Variants in MTMR3 observed in about 807,000 individuals in gnomAD.
MTMR3 encodes the protein myotubularin related protein 3.
Under a neutral mutation model 132.4 loss-of-function variants are expected in MTMR3, and 32 were observed. The ratio of observed to expected loss-of-function variants is 0.24; its 90% CI spans 0.18 to 0.32. The LOEUF is 0.32. Among genes scored for constraint, MTMR3 ranks in the 10% least tolerant of loss-of-function variants. The pLI, the probability that MTMR3 is intolerant of heterozygous loss-of-function variation, is 1.00. For synonymous variants in MTMR3, 556 were observed against 550.3 expected, an observed-to-expected ratio of 1.01 and a Z score of -0.14; for missense variants, 1,216 against 1,489.6, an observed-to-expected ratio of 0.82 and a Z score of 3.02.
intron 1 of MTMR3, among the ~76,000 whole-genome samples, chr22:29,900,330 A>G (rs2064980949): frequency 6.6e-6 from 1 of 152,144 alleles, no homozygotes; most frequent in South Asian, 2.1e-4. Context: ...TAAGTGGTAT[A>G]ATACTTAACG....
chr22:29,978,327 C>T, intron 3 of MTMR3, 115 bp from the exon 4 acceptor site: 1 of 686,182 alleles, frequency 1.5e-6, no homozygotes, highest in Non-Finnish European at 2.4e-6. Flanking sequence ...GCTTTTCTGC[C>T]TGTTCACCTT....
At chr22:29,934,618 A>T (rs2065712352) in intron 1 of MTMR3, among the ~76,000 whole-genome samples, 1 of 152,194 alleles carries the variant, frequency 6.6e-6, no homozygotes, top group Admixed American at 6.5e-5. Flanking sequence ...GGAGACTTTG[A>T]AAAGATTCTA....
intron 1 of MTMR3, among the ~76,000 whole-genome samples, chr22:29,895,983 C>T (rs966933288): frequency 6.6e-5 from 10 of 152,114 alleles, no homozygotes; most frequent in African/African-American, 2.2e-4. Context: ...TTAAAATTTT[C>T]GGTCAGCTCA....
chr22:29,978,632 T>TAA (rs1408703354), intron 4 of MTMR3, 101 bp downstream of exon 4: 35 of 805,780 alleles, frequency 4.3e-5, no homozygotes, highest in Admixed American at 1.2e-4. Flanking sequence ...TATATATATA[T>TAA]AACATACATG....
At chr22:29,967,551 G>T (rs2412961) in intron 2 of MTMR3, among the ~76,000 whole-genome samples, 8,944 of 144,718 alleles carry the variant, frequency 0.062, 493 homozygotes, top group South Asian at 0.25. Context: ...TTTTTTTTTT[G>T]AGCTATAAGT....
intron 7 of MTMR3, chr22:29,994,383 A>G (rs2067019521): frequency 7.9e-6 from 1 of 126,482 alleles, no homozygotes; most frequent in Non-Finnish European, 1.6e-5. Context: ...GTTTTAATTA[A>G]AAACAAACCA....
chr22:29,885,561 G>A (rs569199764), intron 1 of MTMR3, among the ~76,000 whole-genome samples: 3 of 152,304 alleles, frequency 2.0e-5, no homozygotes, highest in African/African-American at 7.2e-5. Flanking sequence ...AACAGAGAAG[G>A]AGAGGGAGTA....
At position 29,967,118 on chromosome 22, in the gene MTMR3, TG is replaced by T. The variant is rs1208671781; in HGVS notation, c.-84-3857del. ...CTTAGAATGCTCATTGCTGCTGGGT[TG>T]ATACTGTAACTTTTTTGCAGCGTTT... On this transcript the variant is annotated intron_variant, in intron 2 of 19. Transcript: ENST00000401950. Among the ~76,000 whole-genome samples the T allele has an allele frequency of 2.6e-5, 4 of 152,118 alleles. No homozygotes were observed. The East Asian group carries it at 7.7e-4, about 29-fold the overall frequency.
chr22:29,974,408 T>C lies in MTMR3; in HGVS notation c.3+3346T>C, dbSNP rs564175412. On this transcript the variant is annotated intron_variant, in intron 3 of 19. Transcript: ENST00000401950. ...TTACGTCCTTGGGGATTAAATGCAT[T>C]TTTGTGTACAAGGGGAGAAAAGTTC... Among the ~76,000 whole-genome samples, 31 of 152,300 alleles carry C rather than the reference T, an allele frequency of 2.0e-4. No individual in the cohort carries two copies. In the South Asian group the frequency reaches 6.4e-3, roughly 32 times the overall value.
chr22:29,908,403 A>G (rs1257695651), intron 1 of MTMR3, among the ~76,000 whole-genome samples: 1 of 152,254 alleles, frequency 6.6e-6, no homozygotes, highest in Non-Finnish European at 1.5e-5. Flanking sequence ...TTTGAGGAAC[A>G]GACCCTTTCC....
At chr22:30,008,885 C>G in intron 11 of MTMR3, 133 bp from the exon 12 acceptor site, 2 of 618,472 alleles carry the variant, frequency 3.2e-6, no homozygotes, top group Non-Finnish European at 5.8e-6. Context: ...AATAGTTAAG[C>G]ATTTCAAAAC....
chr22:29,903,010 G>A (rs2065029932), intron 1 of MTMR3, among the ~76,000 whole-genome samples: 1 of 152,162 alleles, frequency 6.6e-6, no homozygotes, highest in African/African-American at 2.4e-5. Context: ...ATCACTTGAG[G>A]TCAGGAGTTC....
intron 1 of MTMR3, among the ~76,000 whole-genome samples, chr22:29,884,626 G>T (rs553021053): frequency 7.5e-6 from 1 of 133,540 alleles, no homozygotes; most frequent in African/African-American, 2.8e-5. Context: ...GCAGTAGTGC[G>T]ATCTCTGCTC....
rs554633141 is a variant in MTMR3, at chr22:30,010,896, T to TA, written c.1122-1471dup. On this transcript the variant is annotated intron_variant, in intron 12 of 19. Coordinates refer to ENST00000401950, the MANE Select transcript of MTMR3 (RefSeq NM_021090.4). ...ATTGGATTTTTACCCATAACAGACT[T>TA]ACAATTCATTAAACAGTGGGACTCC... 36 of 152,292 alleles carry TA rather than the reference T, an allele frequency of 2.4e-4. 1 individual carries two copies. In the East Asian group the frequency reaches 6.9e-3, roughly 29 times the overall value. The allele number at this position is 152,292 out of a possible 1,614,324, so 9.4% of individuals were successfully genotyped here.
chr22:29,924,822 A>G (rs991763609), intron 1 of MTMR3, among the ~76,000 whole-genome samples: 2 of 152,164 alleles, frequency 1.3e-5, no homozygotes, highest in Non-Finnish European at 2.9e-5. Context: ...ATGCTATTGT[A>G]AATGGAATTT....
At chr22:29,925,572 A>C (rs2065499585) in intron 1 of MTMR3, among the ~76,000 whole-genome samples, 2 of 150,992 alleles carry the variant, frequency 1.3e-5, no homozygotes, top group African/African-American at 4.9e-5. Flanking sequence ...AAAAAAAAAA[A>C]CAGCTTTGTT....
intron 2 of MTMR3, among the ~76,000 whole-genome samples, chr22:29,960,700 G>A (rs2066294211): frequency 1.3e-5 from 2 of 152,010 alleles, no homozygotes; most frequent in African/African-American, 2.4e-5. Context: ...TTGTTTTCTC[G>A]ATGAAGAAAC....
chr22:29,957,700 G>C (rs1375074671), intron 2 of MTMR3, among the ~76,000 whole-genome samples: 2 of 151,964 alleles, frequency 1.3e-5, no homozygotes, highest in African/African-American at 4.8e-5. Flanking sequence ...CTTGCTTCTT[G>C]TTTTGAGTTT....
At chr22:29,933,801 A>G (rs1208089817) in intron 1 of MTMR3, among the ~76,000 whole-genome samples, 1 of 145,578 alleles carries the variant, frequency 6.9e-6, no homozygotes, top group African/African-American at 2.6e-5. Context: ...GTACTCCTGG[A>G]CTCAAGCCAT....
Sources: gnomAD v4.1 joint callset for allele counts (sites outside exome capture counted in the v4.1 genomes callset) on GRCh38, gnomAD v4.1.1 for gene constraint, MANE v1.5 for transcripts, NCBI Gene and HGNC (gene_info 2026-07-23, HGNC 2026-07-21) for gene names.